The following DGKB variants were observed in gnomAD, a reference collection of about 807,000 sequenced individuals.
The protein encoded by DGKB is diacylglycerol kinase beta.
DGKB carries 67 observed loss-of-function variants against 114.3 expected under a neutral mutation model. The observed-to-expected ratio is 0.59, with a 90% CI of 0.48 to 0.72. The LOEUF (loss-of-function observed/expected upper bound fraction) is 0.72. Ranked by LOEUF, DGKB falls within the 30% of genes least tolerant of loss-of-function variation. The pLI is 0.00. For synonymous variants in DGKB, 398 were observed against 323.1 expected (o/e 1.23, Z -2.49); for missense variants, 907 against 975.2 (o/e 0.93, Z 0.93).
At chr7:14,904,219 T>C (rs184843731), upstream of DGKB, among the ~76,000 whole-genome samples, 1 of 150,852 alleles carries the variant, frequency 6.6e-6, no homozygotes, top group East Asian at 2.0e-4. Flanking sequence ...CCCTCCTAAA[T>C]ACACACACAC....
At chr7:14,910,639 A>AT (rs1783955669) in intron 1 of DGKB, among the ~76,000 whole-genome samples, 1 of 152,170 alleles carries the variant, frequency 6.6e-6, no homozygotes, top group Non-Finnish European at 1.5e-5. Flanking sequence ...GAACAATCAG[A>AT]AGTACAAAGA....
rs2128924620 is a variant in DGKB, at chr7:14,661,586, A to T, written c.1134+11343T>A. Among the ~76,000 whole-genome samples the T allele has an allele frequency of 2.0e-5, 3 of 152,100 alleles. No homozygotes were observed. In the Middle Eastern group the frequency reaches 0.01, roughly 517 times the overall value. On this transcript the variant is annotated intron_variant, in intron 13 of 25. Transcript: ENST00000402815. ...GCTGGAGAGGATGTGGAGAAATAGGAACACTTTTACACTGCTGGTAGGACT... is the reference window on the plus strand; with the variant it reads ...GCTGGAGAGGATGTGGAGAAATAGGTACACTTTTACACTGCTGGTAGGACT...
At chr7:14,965,941 CA>C (rs1024196213) in intron 1 of DGKB, among the ~76,000 whole-genome samples, 2 of 151,470 alleles carry the variant, frequency 1.3e-5, no homozygotes, top group African/African-American at 2.4e-5. Context: ...ATACTTCTGT[CA>C]AAAAAAACTA....
rs563046156 is a variant in DGKB at position 14,927,067 on chromosome 7, G to T, written c.-188+47629C>A. ...GATTCACTGGAATGATGATGATGAT[G>T]ATTATTTGTCTACACCAAGCATCAA... On this transcript the variant is annotated intron_variant, in intron 1 of 4. Transcript: ENST00000437998. Among the ~76,000 whole-genome samples, 27 of 152,054 alleles carry T rather than the reference G, an allele frequency of 1.8e-4. 1 individual carries two copies. In the South Asian group the frequency reaches 2.1e-3, roughly 12 times the overall value.
At chr7:14,511,972 CAACAGT>C (rs2128544204) in intron 20 of DGKB, among the ~76,000 whole-genome samples, 1 of 152,144 alleles carries the variant, frequency 6.6e-6, no homozygotes, top group South Asian at 2.1e-4. Flanking sequence ...CAAACAATGA[CAACAGT>C]AACATCAAAG....
At chr7:14,427,509 C>T (rs1442534806) in intron 21 of DGKB, among the ~76,000 whole-genome samples, 2 of 152,124 alleles carry the variant, frequency 1.3e-5, no homozygotes, top group Non-Finnish European at 2.9e-5. Context: ...CAGCAGTGAC[C>T]CACTCTACTG....
Position 14,700,844 on chromosome 7 carries a change from T to G in DGKB, c.516+837A>C, listed in dbSNP as rs1825045861. Among the ~76,000 whole-genome samples the G allele has an allele frequency of 2.0e-5, 3 of 152,166 alleles. No individual in the cohort carries two copies. In the South Asian group the frequency reaches 6.2e-4, roughly 32 times the overall value. On this transcript the variant is annotated intron_variant, in intron 7 of 25. Coordinates refer to ENST00000402815, the MANE Select transcript of DGKB (RefSeq NM_001350709.2). ...ATTAAATACATTAAAAATGGTACAC[T>G]TCAAAATTTCCAAATGACACTTATT...
Position 14,428,241 on chromosome 7 carries a change from T to G in DGKB, c.1835+49920A>C, listed in dbSNP as rs150377418. Among the ~76,000 whole-genome samples the G allele has an allele frequency of 2.0e-5, 3 of 152,200 alleles. No homozygotes were observed. In the East Asian group the frequency reaches 5.8e-4, roughly 29 times the overall value. ...TTCATTTTGACTCATTTTGCTTACT[T>G]TATCAGTTCTGTTCTCTGAGCCCCT... On this transcript the variant is annotated intron_variant, in intron 21 of 25. Transcript: ENST00000402815.
intron 23 of DGKB, among the ~76,000 whole-genome samples, chr7:14,308,184 T>A (rs543068163): frequency 1.3e-5 from 2 of 152,206 alleles, no homozygotes; most frequent in South Asian, 2.1e-4. Flanking sequence ...GATTTCCTCA[T>A]GTAATTTCAT....
chr7:14,551,364 TA>T (rs1795076415), intron 20 of DGKB, among the ~76,000 whole-genome samples: 1 of 152,232 alleles, frequency 6.6e-6, no homozygotes, highest in African/African-American at 2.4e-5. Context: ...TTTCACTTTT[TA>T]CACAGCATGT....
chr7:14,600,398 G>A (rs1157402068), intron 17 of DGKB, among the ~76,000 whole-genome samples: 1 of 152,108 alleles, frequency 6.6e-6, no homozygotes, highest in Non-Finnish European at 1.5e-5. Context: ...CAAAATTTAT[G>A]TTCTTCTGAT....
At chr7:14,359,780 G>C (rs1223687854) in intron 21 of DGKB, among the ~76,000 whole-genome samples, 1 of 152,092 alleles carries the variant, frequency 6.6e-6, no homozygotes, top group African/African-American at 2.4e-5. Context: ...ATCTCACACT[G>C]TTAGAATAGT....
intron 21 of DGKB, among the ~76,000 whole-genome samples, chr7:14,406,299 C>G (rs1177160576): frequency 6.6e-6 from 1 of 152,004 alleles, no homozygotes; most frequent in Non-Finnish European, 1.5e-5. Flanking sequence ...GACTTGAGAG[C>G]AAGTTGGCTC....
At chr7:14,638,569 T>C (rs1388810220) in intron 13 of DGKB, among the ~76,000 whole-genome samples, 2 of 152,188 alleles carry the variant, frequency 1.3e-5, no homozygotes, top group Non-Finnish European at 2.9e-5. Context: ...ATCTAGTCTA[T>C]GACCAAATCA....
At chr7:14,481,064 A>C (rs1782916033) in intron 20 of DGKB, among the ~76,000 whole-genome samples, 1 of 151,960 alleles carries the variant, frequency 6.6e-6, no homozygotes, top group Non-Finnish European at 1.5e-5. Context: ...TATTAAAGCA[A>C]AACAAATTTA....
chr7:14,690,974 T>C (rs1043032549), intron 9 of DGKB, among the ~76,000 whole-genome samples: 2 of 152,200 alleles, frequency 1.3e-5, no homozygotes, highest in African/African-American at 4.8e-5. Flanking sequence ...GACCCATTCA[T>C]CTTGTATTTT....
chr7:14,938,940 G>T (rs1378812203), intron 1 of DGKB, among the ~76,000 whole-genome samples: 1 of 152,126 alleles, frequency 6.6e-6, no homozygotes, highest in Non-Finnish European at 1.5e-5. Context: ...AATTCTCTAT[G>T]AAATGAGGTT....
chr7:14,684,677 T>C (rs959830226), intron 10 of DGKB, among the ~76,000 whole-genome samples: 4 of 152,198 alleles, frequency 2.6e-5, no homozygotes, highest in African/African-American at 9.6e-5. Flanking sequence ...TCATTAATCA[T>C]CAATGCTCTG....
chr7:14,469,792 T>A (rs972580812), intron 21 of DGKB, among the ~76,000 whole-genome samples: 1 of 152,088 alleles, frequency 6.6e-6, no homozygotes, highest in East Asian at 1.9e-4. Context: ...AAGCTTTACA[T>A]TAGGAATACA....
Sources: gnomAD v4.1 joint callset for allele counts (sites outside exome capture counted in the v4.1 genomes callset) on GRCh38, gnomAD v4.1.1 for gene constraint, MANE v1.5 for transcripts, NCBI Gene and HGNC (gene_info 2026-07-23, HGNC 2026-07-21) for gene names.